The following WDR41 variants were observed in gnomAD, a reference collection of about 807,000 sequenced individuals.
The protein encoded by WDR41 is WD repeat-containing protein 41.
WDR41 carries 63 observed loss-of-function variants against 69.3 expected under a neutral mutation model. The ratio of observed to expected loss-of-function variants is 0.91; its 90% CI spans 0.74 to 1.12. The LOEUF (loss-of-function observed/expected upper bound fraction) is 1.12. Ranked by LOEUF, WDR41 falls within the 50% of genes most tolerant of loss-of-function variation. The pLI is 0.00. For synonymous variants in WDR41, 185 were observed against 192.1 expected, an observed-to-expected ratio of 0.96 and a Z score of 0.31; for missense variants, 543 against 534.5, an observed-to-expected ratio of 1.02 and a Z score of -0.16.
chr5:77,442,162 T>A (rs1581696047), intron 8 of WDR41, among the ~76,000 whole-genome samples: 1 of 152,030 alleles, frequency 6.6e-6, no homozygotes, highest in East Asian at 1.9e-4. Context: ...AAAATGTAAA[T>A]CTCGATCCAA....
At chr5:77,507,245 A>G (rs949258706) in intron 1 of WDR41, among the ~76,000 whole-genome samples, 4 of 152,200 alleles carry the variant, frequency 2.6e-5, no homozygotes, top group African/African-American at 9.7e-5. Flanking sequence ...TGACCTGTAC[A>G]CTTAAAAATT....
At chr5:77,455,594 G>C (rs1799796551) in intron 5 of WDR41, among the ~76,000 whole-genome samples, 1 of 152,012 alleles carries the variant, frequency 6.6e-6, no homozygotes, top group African/African-American at 2.4e-5. Flanking sequence ...CTTACATTTG[G>C]GTCTTTGACC....
At chr5:77,541,471 T>C (rs1001097056) in intron 1 of WDR41, among the ~76,000 whole-genome samples, 2 of 149,786 alleles carry the variant, frequency 1.3e-5, no homozygotes, top group African/African-American at 4.9e-5. Context: ...GCCAAGGAGA[T>C]GGAGTAAAAG....
intron 1 of WDR41, among the ~76,000 whole-genome samples, chr5:77,565,260 T>C (rs1039591361): frequency 6.6e-6 from 1 of 152,206 alleles, no homozygotes; most frequent in Non-Finnish European, 1.5e-5. Flanking sequence ...TTTCAACACA[T>C]ACAGTGCATT....
At position 77,470,067 on chromosome 5, in the gene WDR41, A is replaced by C. The variant is rs535491670; in HGVS notation, c.168-5258T>G. 1.5e-4 allele frequency among the ~76,000 whole-genome samples: 23 copies of C among 150,656 alleles called. No individual in the cohort carries two copies. In the East Asian group the frequency reaches 2.3e-3, roughly 15 times the overall value. On this transcript the variant is annotated intron_variant, in intron 2 of 12. Coordinates refer to ENST00000296679, the MANE Select transcript of WDR41 (RefSeq NM_018268.4). ...CCCACGAAGGGAAGCCCATCAGACT[A>C]ACAGCAGATCTCTTGGCAGAAACTC...
intron 1 of WDR41, among the ~76,000 whole-genome samples, chr5:77,523,312 A>T (rs1802400496): frequency 6.6e-6 from 1 of 152,060 alleles, no homozygotes; most frequent in South Asian, 2.1e-4. Context: ...TCAAAAAAAA[A>T]AAAAGATATA....
chr5:77,463,317 A>C (rs1217454644), intron 3 of WDR41, 91 bp from the exon 4 acceptor site: 1 of 1,146,664 alleles, frequency 8.7e-7, no homozygotes, highest in East Asian at 2.7e-5. Context: ...CATATAGAAG[A>C]TACATATACA....
At chr5:77,521,973 C>T (rs1302901758) in intron 1 of WDR41, among the ~76,000 whole-genome samples, 1 of 152,152 alleles carries the variant, frequency 6.6e-6, no homozygotes, top group African/African-American at 2.4e-5. Flanking sequence ...ATCCTGGTTG[C>T]ACCTACTAGC....
chr5:77,504,809 C>T (rs556800820), intron 1 of WDR41, among the ~76,000 whole-genome samples: 14 of 152,156 alleles, frequency 9.2e-5, no homozygotes, highest in East Asian at 5.8e-4. Context: ...TAAAGGCCTT[C>T]GACAAAATTC....
intron 2 of WDR41, chr5:77,480,265 G>A (rs1561759560): frequency 6.6e-6 from 1 of 151,528 alleles, no homozygotes; most frequent in South Asian, 2.1e-4. Flanking sequence ...AGTCAGTGTG[G>A]CGATTCCTCA....
At chr5:77,495,756 A>G (rs1477917325), upstream of WDR41, among the ~76,000 whole-genome samples, 1 of 151,598 alleles carries the variant, frequency 6.6e-6, no homozygotes, top group East Asian at 1.9e-4. Flanking sequence ...AACACTTTTT[A>G]ACTCCTTATA....
intron 1 of WDR41, among the ~76,000 whole-genome samples, chr5:77,536,086 A>T (rs1467744676): frequency 2.0e-5 from 3 of 152,200 alleles, no homozygotes; most frequent in Middle Eastern, 3.4e-3. Context: ...AAAGAATGCT[A>T]CCCTGTTTTC....
At chr5:77,560,429 C>A (rs1360960995) in intron 1 of WDR41, among the ~76,000 whole-genome samples, 2 of 152,068 alleles carry the variant, frequency 1.3e-5, no homozygotes, top group Non-Finnish European at 2.9e-5. Context: ...CAAATGAAAG[C>A]TTTTTCAAAC....
Position 77,432,771 on chromosome 5 carries a change from C to T in WDR41, c.*364G>A, listed in dbSNP as rs146727545. The T allele has an allele frequency of 6.3e-3, 1,014 of 161,740 alleles. 10 individuals are homozygous for T. Among genetic ancestry groups the T allele is most frequent in the African/African-American group, 0.023 (975 of 41,906 alleles). The allele number at this position is 161,740 out of a possible 1,614,324, so 10.0% of individuals were successfully genotyped here. On this transcript the variant is annotated 3_prime_UTR_variant, in exon 13 of 13. Transcript: ENST00000296679. Reference sequence around the variant, plus strand: ...GGAGAAAGGCTATTTTTAAACTTCACAATAATTCTAAAGGAAGCCAAATAA... The same window carrying T: ...GGAGAAAGGCTATTTTTAAACTTCATAATAATTCTAAAGGAAGCCAAATAA...
chr5:77,556,730 T>C (rs1450720160), intron 1 of WDR41, among the ~76,000 whole-genome samples: 1 of 152,190 alleles, frequency 6.6e-6, no homozygotes, highest in Non-Finnish European at 1.5e-5. Context: ...ATCAAGATTG[T>C]TGATACCACA....
intron 1 of WDR41, among the ~76,000 whole-genome samples, chr5:77,501,985 G>A (rs1218022584): frequency 3.3e-5 from 5 of 152,026 alleles, no homozygotes; most frequent in Non-Finnish European, 7.4e-5. Flanking sequence ...ACAGCTCCTC[G>A]CCACCAATCA....
chr5:77,545,680 G>C (rs1743180263), intron 1 of WDR41: 2 of 449,482 alleles, frequency 4.4e-6, no homozygotes, highest in Non-Finnish European at 7.9e-6. Flanking sequence ...CTCTCTCAAG[G>C]ATGAGGTTTT....
chr5:77,503,004 C>T (rs550558823), intron 1 of WDR41, among the ~76,000 whole-genome samples: 1 of 152,176 alleles, frequency 6.6e-6, no homozygotes, highest in Non-Finnish European at 1.5e-5. Flanking sequence ...GGATCATATT[C>T]ACACATAACA....
chr5:77,457,681 C>A (rs1302444076), intron 5 of WDR41, among the ~76,000 whole-genome samples: 1 of 146,872 alleles, frequency 6.8e-6, no homozygotes, highest in Non-Finnish European at 1.5e-5. Context: ...CTAACATCAA[C>A]CCTTATAAAA....
Sources: gnomAD v4.1 joint callset for allele counts (sites outside exome capture counted in the v4.1 genomes callset) on GRCh38, gnomAD v4.1.1 for gene constraint, MANE v1.5 for transcripts, NCBI Gene and HGNC (gene_info 2026-07-23, HGNC 2026-07-21) for gene names.